TMX4: variants seen among roughly 807,000 people sequenced by gnomAD.
The protein encoded by TMX4 is thioredoxin related transmembrane protein 4.
A neutral mutation model predicts 33.3 loss-of-function variants in TMX4; 23 were observed. The ratio of observed to expected loss-of-function variants is 0.69; its 90% confidence interval spans 0.50 to 0.98. The LOEUF is 0.98. TMX4 is among the 50% of genes least tolerant of loss of function. The pLI is 0.00. For missense variants in TMX4, 399 were observed against 448.9 expected, an observed-to-expected ratio of 0.89 and a Z score of 1.01; for synonymous variants, 164 against 161.5, an observed-to-expected ratio of 1.02 and a Z score of -0.12.
intron 5 of TMX4, among the ~76,000 whole-genome samples, chr20:7,995,025 A>G (rs1316442055): frequency 6.6e-6 from 1 of 152,180 alleles, no homozygotes. Context: ...CCTCTGTTGT[A>G]AAAAATAAAC....
intron 4 of TMX4, among the ~76,000 whole-genome samples, chr20:7,997,623 T>C (rs2050682248): frequency 6.6e-6 from 1 of 152,140 alleles, no homozygotes; most frequent in Admixed American, 6.5e-5. Flanking sequence ...AAAATTAGTT[T>C]ATACACCTGA....
Position 7,983,861 on chromosome 20 carries a change from G to A in TMX4, c.616-4C>T, listed in dbSNP as rs752756451. The A allele has an allele frequency of 2.5e-6, 4 of 1,612,090 alleles. No homozygotes were observed. The East Asian group carries it at 8.9e-5, about 36-fold the overall frequency. Reference sequence around the variant, plus strand: ...ATTCTGATATTACCACCAAGACCTGGAAGGAAAAAAGTGATTTTACAGTGA... The same window carrying A: ...ATTCTGATATTACCACCAAGACCTGAAAGGAAAAAAGTGATTTTACAGTGA... On this transcript the variant is annotated splice_region_variant and splice_polypyrimidine_tract_variant and intron_variant, in intron 6 of 7. Coordinates refer to ENST00000246024, the MANE Select transcript of TMX4 (RefSeq NM_021156.4).
At chr20:7,996,138 C>A in intron 4 of TMX4, 67 bp from the exon 5 acceptor site, 1 of 1,310,416 alleles carries the variant, frequency 7.6e-7, no homozygotes, top group South Asian at 1.3e-5. Context: ...AAAATCAGGT[C>A]AGGAGGACTG....
At chr20:8,004,945 T>TA (rs2050722300) in intron 2 of TMX4, among the ~76,000 whole-genome samples, 1 of 152,188 alleles carries the variant, frequency 6.6e-6, no homozygotes, top group Non-Finnish European at 1.5e-5. Context: ...TAAATGTTGT[T>TA]ATTATCAACA....
At chr20:8,005,374 G>A (rs1198640781) in intron 2 of TMX4, among the ~76,000 whole-genome samples, 1 of 152,132 alleles carries the variant, frequency 6.6e-6, no homozygotes, top group Non-Finnish European at 1.5e-5. Flanking sequence ...TAATCTAAGG[G>A]CTGCCCTTTC....
In TMX4 at chr20:7,977,536, A is replaced by G. The variant is rs984794867; in HGVS notation, c.*4715T>C. The G allele has an allele frequency of 1.3e-5, 2 of 152,234 alleles. No individual in the cohort carries two copies. Among genetic ancestry groups the G allele is most frequent in the African/African-American group, 4.8e-5 (2 of 41,458 alleles). 9.4% of individuals were successfully genotyped at this position (152,234 alleles called of 1,614,324 possible). On this transcript the variant is annotated 3_prime_UTR_variant, in exon 8 of 8. Coordinates refer to ENST00000246024, the MANE Select transcript of TMX4 (RefSeq NM_021156.4). ...TGAAACAAATAGGATCAGGGATTAT[A>G]TACAATACTGTGATCAAGTGATTTG...
intron 2 of TMX4, among the ~76,000 whole-genome samples, chr20:8,003,598 G>GAA (rs1421281937): frequency 6.6e-6 from 1 of 152,070 alleles, no homozygotes; most frequent in East Asian, 1.9e-4. Flanking sequence ...CCTCATTTCA[G>GAA]AAAACATAAA....
At chr20:8,011,669 G>A (rs1180164979) in intron 1 of TMX4, among the ~76,000 whole-genome samples, 2 of 152,080 alleles carry the variant, frequency 1.3e-5, no homozygotes, top group East Asian at 3.9e-4. Flanking sequence ...GAACCCAGAA[G>A]AGAATGGACT....
chr20:8,000,615 T>C (rs2122867921), intron 3 of TMX4, among the ~76,000 whole-genome samples: 1 of 152,276 alleles, frequency 6.6e-6, no homozygotes, highest in Non-Finnish European at 1.5e-5. Flanking sequence ...ACTCACTGTC[T>C]TCCTTGCAGA....
chr20:7,996,105 A>C (rs2050675154), intron 4 of TMX4, 34 bp from the exon 5 acceptor site: 1 of 1,557,886 alleles, frequency 6.4e-7, no homozygotes, highest in Non-Finnish European at 8.8e-7. Context: ...AACAGTGATC[A>C]TATATACTAT....
At chr20:7,999,123 G>A (rs560623456) in intron 4 of TMX4, among the ~76,000 whole-genome samples, 3 of 152,168 alleles carry the variant, frequency 2.0e-5, no homozygotes, top group Admixed American at 2.0e-4. Flanking sequence ...TCCTTTTTCA[G>A]TAGGGAAATT....
At chr20:7,992,984 A>G (rs1183766611) in intron 5 of TMX4, among the ~76,000 whole-genome samples, 1 of 152,224 alleles carries the variant, frequency 6.6e-6, no homozygotes, top group Non-Finnish European at 1.5e-5. Context: ...GCATTTTCCT[A>G]TATACACACA....
At chr20:8,005,388 G>A (rs55827225) in intron 2 of TMX4, among the ~76,000 whole-genome samples, 7,152 of 152,176 alleles carry the variant, frequency 0.047, 236 homozygotes, top group Non-Finnish European at 0.076. Flanking sequence ...CCCTTTCCTC[G>A]GCTTCTACAT....
chr20:7,999,654 C>CT, intron 4 of TMX4, 78 bp downstream of exon 4: 6 of 1,490,416 alleles, frequency 4.0e-6, no homozygotes, highest in Non-Finnish European at 5.4e-6. Flanking sequence ...AAAACATAGG[C>CT]TTTTTTGAGA....
chr20:7,983,771 TC>T, intron 7 of TMX4, 22 bp downstream of exon 7: 2 of 1,609,124 alleles, frequency 1.2e-6, no homozygotes, highest in Non-Finnish European at 1.7e-6. Context: ...ACACTCTAGA[TC>T]ACAGGAGCTT....
rs368198937 is a variant in TMX4, at chr20:7,985,245, A to G, written c.616-1388T>C. Among the ~76,000 whole-genome samples the G allele has an allele frequency of 2.3e-4, 33 of 144,888 alleles. 1 individual carries two copies. In the South Asian group the frequency reaches 5.8e-3, roughly 25 times the overall value. On this transcript the variant is annotated intron_variant, in intron 6 of 7. Coordinates refer to ENST00000246024, the MANE Select transcript of TMX4 (RefSeq NM_021156.4). The stretch of plus-strand genomic sequence containing the variant: ...GCATTCTGTGTGTGTGTGTATATAT[A>G]TGTGTGTGTGTGTATATATATATAT...
In TMX4 at chr20:8,010,315, A is replaced by T. The variant is rs1420357167; in HGVS notation, c.177T>A (p.Phe59Leu). 5.0e-6 allele frequency: 8 copies of T among 1,598,048 alleles called. No homozygotes were observed. The highest frequency in any genetic ancestry group is 5.1e-6 in the Non-Finnish European group (6 of 1,170,982). Residue 59 changes from phenylalanine (F) to leucine (L), a missense_variant and splice_region_variant, in exon 2 of 8, where the codon TTT becomes TTA. Phe to Leu is a conservative substitution (Grantham distance 22). Transcript: ENST00000246024. ...LVMEGEWMLKFYAPWCPSCQQ... is the reference protein window; with the variant it reads ...LVMEGEWMLKLYAPWCPSCQQ... ...GGCAGGATGGACACCATGGGGCGTA[A>T]CTATAAGAGAAGAATAAGAATTATA...
intron 1 of TMX4, among the ~76,000 whole-genome samples, chr20:8,017,549 T>C (rs1232244666): frequency 6.6e-6 from 1 of 152,058 alleles, no homozygotes; most frequent in Admixed American, 6.5e-5. Flanking sequence ...TTAATTCTAT[T>C]ACCAAAAAAA....
chr20:8,004,124 C>CA (rs755739694), intron 2 of TMX4, among the ~76,000 whole-genome samples: 1,508 of 132,272 alleles, frequency 0.011, 15 homozygotes, highest in African/African-American at 0.032. Flanking sequence ...AAATTCATCT[C>CA]AAAAAAAAAA....
Sources: allele counts gnomAD v4.1 joint callset (sites outside exome capture counted in the v4.1 genomes callset), GRCh38; gene constraint gnomAD v4.1.1; transcripts MANE v1.5; gene names NCBI Gene and HGNC (gene_info 2026-07-23, HGNC 2026-07-21).